Variants in ONECUT1 observed in about 807,000 individuals in gnomAD.
The protein encoded by ONECUT1 is one cut homeobox 1.
A neutral mutation model predicts 25.6 loss-of-function variants in ONECUT1; 12 were observed. That is an observed-to-expected ratio of 0.47 (90% CI 0.30 to 0.76). ONECUT1 has a LOEUF of 0.76. Among genes scored for constraint, ONECUT1 ranks in the 30% least tolerant of loss-of-function variants. The probability of loss-of-function intolerance (pLI) is 0.07; values close to 1 mark genes in which losing one functional copy is unlikely to be tolerated. For synonymous variants in ONECUT1, 285 were observed against 270.2 expected (o/e 1.05, Z -0.54); for missense variants, 620 against 651.2 (o/e 0.95, Z 0.52).
intron 1 of ONECUT1, among the ~76,000 whole-genome samples, chr15:52,779,384 G>A (rs2141459623): frequency 6.6e-6 from 1 of 152,166 alleles, no homozygotes; most frequent in African/African-American, 2.4e-5. Context: ...CACCGTGCCT[G>A]GCCGACCAGT....
chr15:52,759,777 A>ATTT lies in ONECUT1; in HGVS notation c.1106-1933_1106-1931dup, dbSNP rs772253068. On this transcript the variant is annotated intron_variant, in intron 1 of 1. Coordinates refer to ENST00000305901, the MANE Select transcript of ONECUT1 (RefSeq NM_004498.4). ...GCCACAACCTGGCTAATTTTTTTGAATTTTTTTTTTTTATAGAGATGGGGT... is the reference window on the plus strand; with the variant it reads ...GCCACAACCTGGCTAATTTTTTTGAATTTTTTTTTTTTTTTATAGAGATGGGGT... Among the ~76,000 whole-genome samples the ATTT allele has an allele frequency of 3.7e-3, 549 of 148,984 alleles. 3 individuals carry two copies. Among genetic ancestry groups the ATTT allele is most frequent in the African/African-American group, 0.013 (510 of 40,558 alleles).
At chr15:52,766,592 C>T (rs1483258631) in intron 1 of ONECUT1, among the ~76,000 whole-genome samples, 1 of 152,152 alleles carries the variant, frequency 6.6e-6, no homozygotes, top group African/African-American at 2.4e-5. Context: ...GTTCTGGCAG[C>T]ATAGCAGACA....
rs901061746 is a variant in ONECUT1 at position 52,784,508 on chromosome 15, A to T, written c.1105+4272T>A. ...GCCATCAGCCCCCCTTAAGCCCCAG[A>T]AGTAGGTTTCCCCTGCCCCAGCCAT... On this transcript the variant is annotated intron_variant, in intron 1 of 1. Coordinates refer to ENST00000305901, the MANE Select transcript of ONECUT1 (RefSeq NM_004498.4). The surrounding 1 kb of genome is among the most constrained non-coding windows in gnomAD (Gnocchi z 5.0). 6.6e-6 allele frequency among the ~76,000 whole-genome samples: 1 copy of T among 152,036 alleles called. No individual in the cohort carries two copies. The highest frequency in any genetic ancestry group is 1.5e-5 in the Non-Finnish European group (1 of 67,994).
intron 1 of ONECUT1, among the ~76,000 whole-genome samples, chr15:52,779,400 TA>T (rs922878187): frequency 9.3e-5 from 14 of 149,802 alleles, no homozygotes; most frequent in African/African-American, 1.7e-4. Context: ...CCAGTTTATT[TA>T]AAAAAAAAAC....
At position 52,789,950 on chromosome 15, in the gene ONECUT1, C is replaced by A; in HGVS notation, c.-66G>T. 1 of 1,464,452 alleles carries A rather than the reference C, an allele frequency of 6.8e-7. No individual in the cohort carries two copies. The highest frequency in any genetic ancestry group is 9.0e-7 in the Non-Finnish European group (1 of 1,116,646). The allele number at this position is 1,464,452 out of a possible 1,614,324, so 90.7% of individuals were successfully genotyped here. ...GGCCAGGCAGAGGCGGCGAGGGGCG[C>A]ACGGAGTCCGGTCTTCACATCGGCT... On this transcript the variant is annotated 5_prime_UTR_variant, in exon 1 of 2. Coordinates refer to ENST00000305901, the MANE Select transcript of ONECUT1 (RefSeq NM_004498.4). This position sits in a 1 kb window ranked among gnomAD's most constrained non-coding sequence, Gnocchi z 4.1.
Position 52,784,080 on chromosome 15 carries a change from C to T in ONECUT1, c.1105+4700G>A, listed in dbSNP as rs557869335. ...ACGCTCGCGGGTCGCCCAGCCCCGA[C>T]GGCCCGCAGGGGGCGCGCGCCGCAG... is the stretch of plus-strand genomic sequence containing the variant. On this transcript the variant is annotated intron_variant, in intron 1 of 1. Transcript: ENST00000305901. This position sits in a 1 kb window ranked among gnomAD's most constrained non-coding sequence, Gnocchi z 5.0. Among the ~76,000 whole-genome samples, 130 of 152,358 alleles carry T rather than the reference C, an allele frequency of 8.5e-4. No individual in the cohort carries two copies. Among genetic ancestry groups the T allele is most frequent in the Non-Finnish European group, 1.8e-3 (122 of 68,034 alleles).
intron 1 of ONECUT1, among the ~76,000 whole-genome samples, chr15:52,773,718 T>A (rs148636834): frequency 6.6e-6 from 1 of 151,804 alleles, no homozygotes; most frequent in Admixed American, 6.6e-5. Context: ...TAAAAAAAAA[T>A]GTAAGCATTG....
intron 1 of ONECUT1, chr15:52,785,647 T>C (rs1297260442): frequency 1.3e-5 from 2 of 152,258 alleles, no homozygotes; most frequent in Non-Finnish European, 2.9e-5. Flanking sequence ...AATCTTGGTC[T>C]TGATAGACGC....
In ONECUT1 at chr15:52,789,380, G is replaced by A; in HGVS notation, c.505C>T (p.His169Tyr). The A allele has an allele frequency of 6.2e-7, 1 of 1,612,176 alleles. No homozygotes were observed. Among genetic ancestry groups the A allele is most frequent in the Non-Finnish European group, 8.5e-7 (1 of 1,178,818 alleles). The change falls in exon 1 of 2, where the codon CAC becomes TAC. Residue 169 changes from histidine to tyrosine, a missense_variant. Physicochemically the swap from His to Tyr is moderately conservative, Grantham distance 83. This residue lies in a region of ONECUT1 where 440 missense variants were observed against 404.9 expected (regional missense o/e 1.09). Transcript: ENST00000305901. This position sits in a 1 kb window ranked among gnomAD's most constrained non-coding sequence, Gnocchi z 4.1. Reference protein sequence around the residue: ...ASMNNLYTPYHKDVAGMGQSL... With the variant: ...ASMNNLYTPYYKDVAGMGQSL... ...TGGCCCATGCCGGCCACGTCCTTGT[G>A]GTAGGGGGTATAGAGGTTATTCATG... is the stretch of plus-strand genomic sequence containing the variant.
intron 1 of ONECUT1, chr15:52,787,644 T>TGGGGGGGGGGGGGGGGGGGGGGGGG (rs1339145516): frequency 8.4e-5 from 2 of 23,850 alleles, no homozygotes; most frequent in African/African-American, 1.6e-4. Context: ...GGTGGGGGAG[T>TGGGGGGGGGGGGGGGGGGGGGGGGG]GGGGGGGGAG....
chr15:52,787,297 C>A (rs944555746), intron 1 of ONECUT1, among the ~76,000 whole-genome samples: 5 of 152,110 alleles, frequency 3.3e-5, no homozygotes, highest in Admixed American at 2.6e-4. Flanking sequence ...TCTCAGCCAG[C>A]GCGGTGCTTT....
At chr15:52,772,147 C>T (rs1259591857) in intron 1 of ONECUT1, among the ~76,000 whole-genome samples, 1 of 151,864 alleles carries the variant, frequency 6.6e-6, no homozygotes, top group East Asian at 1.9e-4. Flanking sequence ...GTAATCCCAG[C>T]ACTTTGGGAG....
chr15:52,772,938 G>A (rs979612692), intron 1 of ONECUT1, among the ~76,000 whole-genome samples: 25 of 152,148 alleles, frequency 1.6e-4, no homozygotes, highest in African/African-American at 6.0e-4. Flanking sequence ...ATATTTTGGC[G>A]TGTGCTTATC....
In ONECUT1 at chr15:52,788,652, T is replaced by C; in HGVS notation, c.1105+128A>G. ...TGCTGGCCCTTCCAGGCACAGGGAG[T>C]CCCCCTTCTAGGGGTAGGGGCGGGC... On this transcript the variant is annotated intron_variant, in intron 1 of 1. Coordinates refer to ENST00000305901, the MANE Select transcript of ONECUT1 (RefSeq NM_004498.4). The surrounding 1 kb of genome is among the most constrained non-coding windows in gnomAD (Gnocchi z 4.3). 1 of 983,592 alleles carries C rather than the reference T, an allele frequency of 1.0e-6. No individual in the cohort carries two copies. Among genetic ancestry groups the C allele is most frequent in the Non-Finnish European group, 1.5e-6 (1 of 677,048 alleles). The allele number at this position is 983,592 out of a possible 1,614,324, so 60.9% of individuals were successfully genotyped here. A position where few individuals can be genotyped will look rare whatever the true frequency, so the allele number is the denominator to read the frequency against.
chr15:52,781,720 A>C (rs186952596), intron 1 of ONECUT1, among the ~76,000 whole-genome samples: 1 of 152,358 alleles, frequency 6.6e-6, no homozygotes, highest in African/African-American at 2.4e-5. Flanking sequence ...GAGTTTATAA[A>C]AATCCAATGC....
chr15:52,777,350 A>G (rs746785784), intron 1 of ONECUT1, among the ~76,000 whole-genome samples: 3 of 151,710 alleles, frequency 2.0e-5, no homozygotes, highest in Non-Finnish European at 4.4e-5. Flanking sequence ...AGCAGCACAT[A>G]TTCTCCCCCC....
chr15:52,759,211 G>A (rs1430163319), intron 1 of ONECUT1, among the ~76,000 whole-genome samples: 5 of 152,110 alleles, frequency 3.3e-5, no homozygotes, highest in East Asian at 3.9e-4. Context: ...GCTGCCTTCC[G>A]CTTCACTGTA....
At chr15:52,777,061 T>C (rs1052223962) in intron 1 of ONECUT1, among the ~76,000 whole-genome samples, 1 of 152,220 alleles carries the variant, frequency 6.6e-6, no homozygotes, top group Non-Finnish European at 1.5e-5. Flanking sequence ...AGAACATTAA[T>C]AACTTTTTTA....
intron 1 of ONECUT1, among the ~76,000 whole-genome samples, chr15:52,781,575 G>A (rs1385913513): frequency 6.6e-6 from 1 of 152,186 alleles, no homozygotes; most frequent in African/African-American, 2.4e-5. Context: ...GCTGAGCTCA[G>A]GGCATCACTG....
Sources: gnomAD v4.1 joint callset for allele counts (sites outside exome capture counted in the v4.1 genomes callset) on GRCh38, gnomAD v4.1.1 for gene constraint, gnomAD v4.1.1 regional missense constraint, Gnocchi (gnomAD v3.1) non-coding constraint, MANE v1.5 for transcripts, NCBI Gene and HGNC (gene_info 2026-07-23, HGNC 2026-07-21) for gene names.